Variants in EPHA10 observed in about 807,000 individuals in gnomAD.
The protein encoded by EPHA10 is ephrin type-A receptor 10.
A neutral mutation model predicts 109.7 loss-of-function variants in EPHA10; 120 were observed. The ratio of observed to expected loss-of-function variants is 1.09; its 90% CI spans 0.94 to 1.27. The LOEUF is 1.27. EPHA10 is among the 50% of genes most tolerant of loss of function. The probability of loss-of-function intolerance (pLI) is 0.00; values close to 1 mark genes in which losing one functional copy is unlikely to be tolerated. For synonymous variants in EPHA10, 640 were observed against 618.9 expected (o/e 1.03, Z -0.51); for missense variants, 1,396 against 1,411.1 (o/e 0.99, Z 0.17).
downstream of EPHA10, among the ~76,000 whole-genome samples, chr1:37,715,678 A>T (rs1322029505): frequency 6.6e-6 from 1 of 152,070 alleles, no homozygotes; most frequent in African/African-American, 2.4e-5. Context: ...GGTACTGTCT[A>T]TCCCAGCAAA....
In EPHA10 at chr1:37,764,004, G is replaced by T. The variant is rs1646455114; in HGVS notation, c.106+957C>A. Among the ~76,000 whole-genome samples, 2 of 152,166 alleles carry T rather than the reference G, an allele frequency of 1.3e-5. No homozygotes were observed. The highest frequency in any genetic ancestry group is 1.3e-4 in the Admixed American group (2 of 15,284). ...CCCTTTATTCCCCCAGGAGGCATCG[G>T]ATCAGCAGCCTGCAACCTCTCAGCA... is the stretch of plus-strand genomic sequence containing the variant. On this transcript the variant is annotated intron_variant, in intron 1 of 16. Coordinates refer to ENST00000373048, the MANE Select transcript of EPHA10 (RefSeq NM_001099439.2). The surrounding 1 kb of genome is among the most constrained non-coding windows in gnomAD (Gnocchi z 5.8).
intron 5 of EPHA10, among the ~76,000 whole-genome samples, chr1:37,740,201 T>TA (rs903324503): frequency 3.3e-5 from 5 of 152,082 alleles, no homozygotes; most frequent in South Asian, 2.1e-4. Flanking sequence ...TTTTTTACAG[T>TA]AAAAAAAATG....
At position 37,724,899 on chromosome 1, in the gene EPHA10, T is replaced by C. The variant is rs191462341; in HGVS notation, c.1773-1527A>G. Among the ~76,000 whole-genome samples, 44 of 152,292 alleles carry C rather than the reference T, an allele frequency of 2.9e-4. No homozygotes were observed. In the East Asian group the frequency reaches 7.7e-3, roughly 27 times the overall value. ...GATAGGCCTGCCAGACAGCAGCATG[T>C]CAGCTTACCAAGCCTCCACACATGT... On this transcript the variant is annotated intron_variant, in intron 8 of 16. Coordinates refer to ENST00000373048, the MANE Select transcript of EPHA10 (RefSeq NM_001099439.2).
intron 4 of EPHA10, 69 bp from the exon 5 acceptor site, chr1:37,753,295 A>AG (rs1273092009): frequency 7.2e-3 from 133 of 18,404 alleles, no homozygotes; most frequent in African/African-American, 0.03. Context: ...GGGATGCACG[A>AG]GGGGGGGGCG....
At chr1:37,744,056 C>T (rs879945328) in intron 5 of EPHA10, among the ~76,000 whole-genome samples, 3 of 152,226 alleles carry the variant, frequency 2.0e-5, no homozygotes, top group East Asian at 1.9e-4. Flanking sequence ...AAAAGCAAGT[C>T]ATCTGGAAAT....
rs757981050 is a variant in EPHA10 at position 37,765,036 on chromosome 1, G to A, written c.31C>T (p.Arg11Cys). Residue 11 changes from arginine (R) to cysteine (C), a missense_variant, in exon 1 of 17, where the codon CGC becomes TGC. Arg to Cys is a radical substitution (Grantham distance 180, BLOSUM62 -3). Transcript: ENST00000373048. ...AGCTGCATCCGGCAGAGGAAGAGGC[G>A]CAGCGGGTGTGGACCGGCGCAGGTC... METCAGPHPL[R>C]LFLCRMQLCL... 3 of 1,608,626 alleles carry A rather than the reference G, an allele frequency of 1.9e-6. No individual in the cohort carries two copies. The highest frequency in any genetic ancestry group is 3.4e-5 in the Admixed American group (2 of 59,482).
At chr1:37,752,711 CG>C (rs1053594924) in intron 5 of EPHA10, among the ~76,000 whole-genome samples, 164 bp downstream of exon 5, 1 of 129,284 alleles carries the variant, frequency 7.7e-6, no homozygotes, top group Admixed American at 9.2e-5. Flanking sequence ...CTGGGGCGTC[CG>C]GGGGGGTGAC....
chr1:37,746,278 TTAG>T (rs1253050979), intron 5 of EPHA10, among the ~76,000 whole-genome samples: 1 of 152,034 alleles, frequency 6.6e-6, no homozygotes, highest in African/African-American at 2.4e-5. Flanking sequence ...TCTTGTATTT[TTAG>T]TAGAGATGGG....
rs774482151 is a variant in EPHA10 at position 37,761,413 on chromosome 1, AAG to A, written c.840_841del (p.Phe281LeufsTer178). ...CCCAGCCAACTGGATACCTTCGCAG[AAG>A]TCACCACGCTCCTGGAATCCCGCGC... On this transcript the variant is annotated frameshift_variant, in exon 3 of 17. Coordinates refer to ENST00000373048, the MANE Select transcript of EPHA10 (RefSeq NM_001099439.2). LOFTEE classifies it high-confidence loss of function. The A allele has an allele frequency of 3.5e-5, 56 of 1,598,722 alleles. No homozygotes were observed. Among genetic ancestry groups the A allele is most frequent in the Admixed American group, 8.3e-5 (5 of 59,882 alleles).
At chr1:37,739,449 T>C (rs1206831332) in intron 5 of EPHA10, among the ~76,000 whole-genome samples, 1 of 152,104 alleles carries the variant, frequency 6.6e-6, no homozygotes, top group African/African-American at 2.4e-5. Flanking sequence ...TACACTTTGG[T>C]AGGCCAAGGC....
chr1:37,760,692 C>G (rs1646422528), intron 3 of EPHA10: 1 of 210,902 alleles, frequency 4.7e-6, no homozygotes, highest in Non-Finnish European at 9.6e-6. Context: ...GTTGGGCAAG[C>G]CTGAATTCAA....
intron 15 of EPHA10, chr1:37,719,152 G>A (rs1225195988): frequency 1.7e-6 from 1 of 596,264 alleles, no homozygotes; most frequent in Non-Finnish European, 3.0e-6. Context: ...AATGTGTTAG[G>A]GCTATTACCA....
rs899851873 is a variant in EPHA10, at chr1:37,719,663, T to A, written c.2563-56A>T. On this transcript the variant is annotated intron_variant, in intron 14 of 16. Coordinates refer to ENST00000373048, the MANE Select transcript of EPHA10 (RefSeq NM_001099439.2). ...GGCTCTGGGTTTCCCCAGCATATGGTGTGTGCACACACACATGCACACACA... is the reference window on the plus strand; with the variant it reads ...GGCTCTGGGTTTCCCCAGCATATGGAGTGTGCACACACACATGCACACACA... 4 of 1,595,156 alleles carry A rather than the reference T, an allele frequency of 2.5e-6. No individual in the cohort carries two copies. In the African/African-American group the frequency reaches 5.4e-5, roughly 21 times the overall value.
At chr1:37,736,243 G>C (rs1353404735) in intron 5 of EPHA10, among the ~76,000 whole-genome samples, 3 of 152,070 alleles carry the variant, frequency 2.0e-5, no homozygotes, top group Non-Finnish European at 4.4e-5. Flanking sequence ...ACGTCAGGTC[G>C]AGGCAGGTGG....
chr1:37,714,412 A>C (rs901649700), downstream of EPHA10, among the ~76,000 whole-genome samples: 1 of 152,162 alleles, frequency 6.6e-6, no homozygotes, highest in Non-Finnish European at 1.5e-5. Context: ...CCTTTGGCCC[A>C]CACCTGCAGC....
intron 6 of EPHA10, 26 bp downstream of exon 6, chr1:37,735,231 C>CAGG (rs1045492647): frequency 1.3e-6 from 2 of 1,561,288 alleles, no homozygotes; most frequent in Admixed American, 3.8e-5. Context: ...GGGCAGGCTC[C>CAGG]AGGTCCCTCC....
intron 5 of EPHA10, among the ~76,000 whole-genome samples, chr1:37,750,368 T>C (rs1222481841): frequency 6.6e-6 from 1 of 151,946 alleles, no homozygotes; most frequent in African/African-American, 2.4e-5. Context: ...TAAATCACAA[T>C]AGAGACAATA....
At chr1:37,749,206 A>G (rs1569741427) in intron 5 of EPHA10, among the ~76,000 whole-genome samples, 1 of 150,722 alleles carries the variant, frequency 6.6e-6, no homozygotes, top group East Asian at 2.0e-4. Flanking sequence ...TACAGGCGTG[A>G]GCCACTGTGC....
chr1:37,728,431 T>C (rs1328201131), intron 7 of EPHA10, among the ~76,000 whole-genome samples: 1 of 152,078 alleles, frequency 6.6e-6, no homozygotes, highest in Admixed American at 6.5e-5. Context: ...GGTGAAGGTT[T>C]GGCATAACTA....
Sources: allele counts gnomAD v4.1 joint callset (sites outside exome capture counted in the v4.1 genomes callset), GRCh38; gene constraint gnomAD v4.1.1; non-coding constraint Gnocchi (gnomAD v3.1); transcripts MANE v1.5; gene names NCBI Gene and HGNC (gene_info 2026-07-23, HGNC 2026-07-21).